Variants in DLGAP2 observed in about 807,000 individuals in gnomAD.
DLGAP2 encodes the protein disks large-associated protein 2.
Under a neutral mutation model 100.3 loss-of-function variants are expected in DLGAP2, and 26 were observed. The observed-to-expected ratio is 0.26, with a 90% CI of 0.19 to 0.36. The LOEUF is 0.36. DLGAP2 is among the 10% of genes least tolerant of loss of function. The probability of loss-of-function intolerance (pLI) is 1.00; values close to 1 mark genes in which losing one functional copy is unlikely to be tolerated. For synonymous variants in DLGAP2, 886 were observed against 630.1 expected (o/e 1.41, Z -6.08); for missense variants, 1,858 against 1,453.2 (o/e 1.28, Z -4.53).
intron 2 of DLGAP2, among the ~76,000 whole-genome samples, chr8:1,135,441 A>ACCACGC (rs1796385621): frequency 6.6e-6 from 1 of 150,812 alleles, no homozygotes; most frequent in Non-Finnish European, 1.5e-5. Flanking sequence ...GGTTTTAGGA[A>ACCACGC]CCACGCAGAG....
intron 2 of DLGAP2, among the ~76,000 whole-genome samples, chr8:924,814 G>C (rs1224241309): frequency 6.6e-6 from 1 of 151,994 alleles, no homozygotes; most frequent in East Asian, 1.9e-4. Context: ...TTAAACTCCC[G>C]ATCTCAGGTG....
chr8:1,373,001 G>C (rs527941495), intron 3 of DLGAP2, among the ~76,000 whole-genome samples: 1 of 152,324 alleles, frequency 6.6e-6, no homozygotes, highest in African/African-American at 2.4e-5. Flanking sequence ...CAAGATGACA[G>C]TTTCGCTCAT....
At chr8:984,404 C>G (rs568728945) in intron 2 of DLGAP2, among the ~76,000 whole-genome samples, 2 of 152,194 alleles carry the variant, frequency 1.3e-5, no homozygotes, top group African/African-American at 4.8e-5. Context: ...TTACAGGGCT[C>G]AAAGCCCCTG....
chr8:1,282,130 G>A (rs1407457408), intron 3 of DLGAP2, among the ~76,000 whole-genome samples: 2 of 148,212 alleles, frequency 1.3e-5, no homozygotes, highest in African/African-American at 2.5e-5. Flanking sequence ...CGGACATGGT[G>A]TGACCTGAAC....
intron 3 of DLGAP2, among the ~76,000 whole-genome samples, chr8:1,283,822 C>A (rs1171769649): frequency 6.6e-6 from 1 of 152,202 alleles, no homozygotes; most frequent in African/African-American, 2.4e-5. Context: ...AACTTAAGCA[C>A]TACCACACTT....
chr8:970,033 CA>C (rs1314101757), intron 2 of DLGAP2, among the ~76,000 whole-genome samples: 1 of 152,146 alleles, frequency 6.6e-6, no homozygotes, highest in East Asian at 1.9e-4. Context: ...AAATTGTTCA[CA>C]CCATTGACAA....
At chr8:1,302,541 C>G (rs191006411) in intron 3 of DLGAP2, 1 of 152,106 alleles carries the variant, frequency 6.6e-6, no homozygotes, top group East Asian at 2.0e-4. Flanking sequence ...ATACCCGGGA[C>G]TGGACTCAGT....
intron 1 of DLGAP2, among the ~76,000 whole-genome samples, chr8:858,725 C>T (rs1198517694): frequency 6.8e-6 from 1 of 147,912 alleles, no homozygotes; most frequent in Admixed American, 7.0e-5. Context: ...GATGCTCTCA[C>T]CGTGGGCACA....
chr8:893,411 T>A (rs921922770), intron 1 of DLGAP2, among the ~76,000 whole-genome samples: 4 of 152,266 alleles, frequency 2.6e-5, no homozygotes, highest in Admixed American at 2.6e-4. Context: ...TTACGTGTCG[T>A]ATCTAATTTC....
chr8:1,206,134 C>T (rs1021400917), intron 2 of DLGAP2, among the ~76,000 whole-genome samples: 8 of 152,140 alleles, frequency 5.3e-5, no homozygotes, highest in African/African-American at 1.7e-4. Flanking sequence ...GTGAGCTGCT[C>T]GGTGGATCAC....
In DLGAP2 at chr8:1,676,540, C is replaced by T. The variant is rs973854776; in HGVS notation, c.2210C>T (p.Thr737Met). 8 of 1,612,904 alleles carry T rather than the reference C, an allele frequency of 5.0e-6. No individual in the cohort carries two copies. The highest frequency in any genetic ancestry group is 2.2e-5 in the East Asian group (1 of 44,874). Residue 737 changes from threonine to methionine, a missense_variant, in exon 11 of 15, where the codon ACG becomes ATG. Physicochemically the swap from Thr to Met is moderately conservative, Grantham distance 81. Transcript: ENST00000637795. Reference protein sequence around the residue: ...HQPYPRSDVETATDSDTESRG... With the variant: ...HQPYPRSDVEMATDSDTESRG... ...CGTTCTCTGTTGAATTAGGTGGAAA[C>T]GGCCACAGATTCTGACACGGAGAGC...
Position 1,030,068 on chromosome 8 carries a change from ATTAGACAAATGT to A in DLGAP2, c.73+122104_73+122115del, listed in dbSNP as rs367583153. ...ATGTCATTACTATTTCAACCTCAGGATTAGACAAATGTTAACTTTGTAAATCTTAAAATACAT... is the reference window on the plus strand; with the variant it reads ...ATGTCATTACTATTTCAACCTCAGGATAACTTTGTAAATCTTAAAATACAT... On this transcript the variant is annotated intron_variant, in intron 2 of 14. Transcript: ENST00000637795. Among the ~76,000 whole-genome samples, 914 of 152,298 alleles carry A rather than the reference ATTAGACAAATGT, an allele frequency of 6.0e-3. 13 individuals carry two copies. The highest frequency in any genetic ancestry group is 0.02 in the African/African-American group (818 of 41,548).
intron 3 of DLGAP2, among the ~76,000 whole-genome samples, chr8:1,270,913 G>A (rs1799569885): frequency 6.6e-6 from 1 of 152,076 alleles, no homozygotes; most frequent in South Asian, 2.1e-4. Context: ...TGGTTTCCAC[G>A]ACTGTATACA....
At chr8:1,620,079 AAT>A (rs1438099338) in intron 6 of DLGAP2, among the ~76,000 whole-genome samples, 1 of 152,104 alleles carries the variant, frequency 6.6e-6, no homozygotes, top group Non-Finnish European at 1.5e-5. Context: ...GCCTTTCTCA[AAT>A]CGCCTGTCCT....
rs144853079 is a variant in DLGAP2, at chr8:1,049,549, A to G, written c.73+141583A>G. Among the ~76,000 whole-genome samples the G allele has an allele frequency of 6.6e-5, 10 of 152,266 alleles. No individual in the cohort carries two copies. In the East Asian group the frequency reaches 1.9e-3, roughly 29 times the overall value. On this transcript the variant is annotated intron_variant, in intron 2 of 14. Coordinates refer to ENST00000637795, the MANE Select transcript of DLGAP2 (RefSeq NM_001346810.2). ...AATAGATAAATATTGTTTATGTTAT[A>G]AAAGGTAGGGCGTATACAAAAAGAA...
chr8:1,223,000 C>T (rs768557939), intron 2 of DLGAP2, among the ~76,000 whole-genome samples: 3 of 152,164 alleles, frequency 2.0e-5, no homozygotes, highest in Admixed American at 1.3e-4. Context: ...CCACTGCAGC[C>T]GTTCCCACAC....
intron 2 of DLGAP2, among the ~76,000 whole-genome samples, chr8:920,239 C>T (rs1798680004): frequency 6.6e-6 from 1 of 152,222 alleles, no homozygotes; most frequent in Non-Finnish European, 1.5e-5. Context: ...CACAGAGGCA[C>T]CCCTGCCTGG....
chr8:1,189,383 T>G (rs1797586999), intron 2 of DLGAP2, among the ~76,000 whole-genome samples: 1 of 152,172 alleles, frequency 6.6e-6, no homozygotes, highest in South Asian at 2.1e-4. Context: ...TAAATAACAT[T>G]AAGACACTGA....
At chr8:1,306,445 T>C (rs1377625325) in intron 3 of DLGAP2, among the ~76,000 whole-genome samples, 3 of 152,206 alleles carry the variant, frequency 2.0e-5, no homozygotes, top group Non-Finnish European at 2.9e-5. Context: ...AAGACACTAA[T>C]GAACGGAAAG....
Sources: gnomAD v4.1 joint callset for allele counts (sites outside exome capture counted in the v4.1 genomes callset) on GRCh38, gnomAD v4.1.1 for gene constraint, MANE v1.5 for transcripts, NCBI Gene and HGNC (gene_info 2026-07-23, HGNC 2026-07-21) for gene names.